The following STAT4 variants were observed in gnomAD, a reference collection of about 807,000 sequenced individuals.
STAT4 encodes signal transducer and activator of transcription 4.
Under a neutral mutation model 110.5 loss-of-function variants are expected in STAT4, and 42 were observed. The ratio of observed to expected loss-of-function variants is 0.38; its 90% CI spans 0.30 to 0.49. The LOEUF is 0.49. STAT4 is among the 20% of genes least tolerant of loss of function. The probability of loss-of-function intolerance (pLI) is 0.95; values close to 1 mark genes in which losing one functional copy is unlikely to be tolerated. For synonymous variants in STAT4, 284 were observed against 302.2 expected, an observed-to-expected ratio of 0.94 and a Z score of 0.63; for missense variants, 632 against 887.9, an observed-to-expected ratio of 0.71 and a Z score of 3.66.
At chr2:191,094,418 G>C (rs1447983101) in intron 3 of STAT4, among the ~76,000 whole-genome samples, 1 of 152,198 alleles carries the variant, frequency 6.6e-6, no homozygotes, top group Non-Finnish European at 1.5e-5. Context: ...AGCCAGAAGA[G>C]AGTGGGGGCC....
At chr2:191,118,074 A>G (rs1698618632) in intron 3 of STAT4, among the ~76,000 whole-genome samples, 1 of 152,210 alleles carries the variant, frequency 6.6e-6, no homozygotes, top group Admixed American at 6.5e-5. Flanking sequence ...AACACTTTAT[A>G]CCACTCAGGT....
At position 191,144,340 on chromosome 2, in the gene STAT4, A is replaced by G. The variant is rs1432578362; in HGVS notation, c.273+2273T>C. ...GCACTGGAACCTACATAGATTCTTT[A>G]GGGATGGATGGGAACTAGACTGGTG... On this transcript the variant is annotated intron_variant, in intron 3 of 23. Transcript: ENST00000392320. This position sits in a 1 kb window ranked among gnomAD's most constrained non-coding sequence, Gnocchi z 4.7. Among the ~76,000 whole-genome samples, 1 of 152,152 alleles carries G rather than the reference A, an allele frequency of 6.6e-6. No homozygotes were observed. Among genetic ancestry groups the G allele is most frequent in the African/African-American group, 2.4e-5 (1 of 41,450 alleles).
chr2:191,119,631 C>T (rs1401237670), intron 3 of STAT4, among the ~76,000 whole-genome samples: 11 of 152,154 alleles, frequency 7.2e-5, no homozygotes, highest in Non-Finnish European at 5.9e-5. Flanking sequence ...AGTGTAATCC[C>T]AATGAAAATC....
rs1354744443 is a variant in STAT4 at position 191,059,194 on chromosome 2, T to C, written c.1035-425A>G. ...AGCTTTAATGATAAGTGTTTTATGGTGAACATACTAAGACAGAACTGTAGT... is the reference window on the plus strand; with the variant it reads ...AGCTTTAATGATAAGTGTTTTATGGCGAACATACTAAGACAGAACTGTAGT... On this transcript the variant is annotated intron_variant, in intron 10 of 23. Coordinates refer to ENST00000392320, the MANE Select transcript of STAT4 (RefSeq NM_003151.4). The surrounding 1 kb of genome is among the most constrained non-coding windows in gnomAD (Gnocchi z 4.7). Among the ~76,000 whole-genome samples the C allele has an allele frequency of 6.6e-6, 1 of 152,202 alleles. No homozygotes were observed.
intron 3 of STAT4, among the ~76,000 whole-genome samples, chr2:191,141,470 T>C (rs953416596): frequency 1.4e-5 from 2 of 138,202 alleles, no homozygotes; most frequent in African/African-American, 2.7e-5. Flanking sequence ...CATATGTATA[T>C]CACATACATA....
At position 191,042,645 on chromosome 2, in the gene STAT4, T is replaced by C. The variant is rs1460104841; in HGVS notation, c.1252-1497A>G. Among the ~76,000 whole-genome samples the C allele has an allele frequency of 6.6e-6, 1 of 152,224 alleles. No homozygotes were observed. The highest frequency in any genetic ancestry group is 1.5e-5 in the Non-Finnish European group (1 of 68,034). On this transcript the variant is annotated intron_variant, in intron 14 of 23. Coordinates refer to ENST00000392320, the MANE Select transcript of STAT4 (RefSeq NM_003151.4). The surrounding 1 kb of genome is among the most constrained non-coding windows in gnomAD (Gnocchi z 4.2). Reference sequence around the variant, plus strand: ...GATACCTGCTGAAGTATCTATATTATACTGTACTATCTAGAATTTGAGAAC... The same window carrying C: ...GATACCTGCTGAAGTATCTATATTACACTGTACTATCTAGAATTTGAGAAC...
rs1008443114 is a variant in STAT4, at chr2:191,147,021, G to A, written c.129-264C>T. Among the ~76,000 whole-genome samples, 3 of 152,150 alleles carry A rather than the reference G, an allele frequency of 2.0e-5. No individual in the cohort carries two copies. Among genetic ancestry groups the A allele is most frequent in the African/African-American group, 7.2e-5 (3 of 41,434 alleles). On this transcript the variant is annotated intron_variant, in intron 2 of 23. Coordinates refer to ENST00000392320, the MANE Select transcript of STAT4 (RefSeq NM_003151.4). The surrounding 1 kb of genome is among the most constrained non-coding windows in gnomAD (Gnocchi z 4.1). ...AAGAAAAAACAGAAAATGAGTGTTG[G>A]TGAGGATACAGAGAAATTGTGCAAT...
chr2:191,067,486 T>G (rs1192972369), intron 6 of STAT4, among the ~76,000 whole-genome samples: 1 of 152,154 alleles, frequency 6.6e-6, no homozygotes, highest in African/African-American at 2.4e-5. Context: ...GAGCCCAAAC[T>G]TCGTCCCAAA....
At chr2:191,094,914 A>G (rs1471525120) in intron 3 of STAT4, among the ~76,000 whole-genome samples, 7 of 122,452 alleles carry the variant, frequency 5.7e-5, no homozygotes, top group African/African-American at 1.9e-4. Flanking sequence ...AGCAAATGGA[A>G]AGCAAAAAAA....
At chr2:191,075,553 T>C (rs1370844597) in intron 4 of STAT4, among the ~76,000 whole-genome samples, 1 of 152,172 alleles carries the variant, frequency 6.6e-6, no homozygotes, top group Non-Finnish European at 1.5e-5. Flanking sequence ...AGAGTGGGAA[T>C]GACAGAAATT....
At chr2:191,072,989 A>G in intron 5 of STAT4, 109 bp downstream of exon 5, 1 of 737,530 alleles carries the variant, frequency 1.4e-6, no homozygotes, top group Non-Finnish European at 2.2e-6. Flanking sequence ...TTATTAACAA[A>G]TTGCCCTATG....
chr2:191,141,458 T>C (rs1559085678), intron 3 of STAT4, among the ~76,000 whole-genome samples: 1 of 39,818 alleles, frequency 2.5e-5, no homozygotes, highest in African/African-American at 8.4e-5. Context: ...ATCACATATA[T>C]ACATATGTAT....
At chr2:191,034,520 TA>T in intron 18 of STAT4, 27 bp downstream of exon 18, 1 of 1,583,212 alleles carries the variant, frequency 6.3e-7, no homozygotes, top group Non-Finnish European at 8.7e-7. Context: ...AAAATGTATC[TA>T]AATGATGTTT....
At chr2:191,094,917 C>CAAAAAAAAAAAA (rs1165913847) in intron 3 of STAT4, among the ~76,000 whole-genome samples, 4 of 77,914 alleles carry the variant, frequency 5.1e-5, no homozygotes, top group Admixed American at 1.5e-4. Context: ...AAATGGAAAG[C>CAAAAAAAAAAAA]AAAAAAAAAA....
intron 3 of STAT4, among the ~76,000 whole-genome samples, chr2:191,109,770 TC>T (rs1045039757): frequency 1.3e-5 from 2 of 152,202 alleles, no homozygotes; most frequent in African/African-American, 4.8e-5. Flanking sequence ...TCAAAATGAA[TC>T]CCACTGTTGG....
Position 191,127,538 on chromosome 2 carries a change from A to G in STAT4, c.273+19075T>C, listed in dbSNP as rs556458219. ...ACTTTGTCTCCATTCTAGGTAGCAA[A>G]CTCTTTCAACATAAGAATTTTATCT... is the stretch of plus-strand genomic sequence containing the variant. On this transcript the variant is annotated intron_variant, in intron 3 of 23. Transcript: ENST00000392320. Among the ~76,000 whole-genome samples, 5 of 152,000 alleles carry G rather than the reference A, an allele frequency of 3.3e-5. No homozygotes were observed. The South Asian group carries it at 8.3e-4, about 25-fold the overall frequency.
Position 191,062,949 on chromosome 2 carries a change from T to C in STAT4, c.783-29A>G, listed in dbSNP as rs763616047. On this transcript the variant is annotated intron_variant, in intron 8 of 23. Transcript: ENST00000392320. The surrounding 1 kb of genome is among the most constrained non-coding windows in gnomAD (Gnocchi z 4.9). ...TTGAACAGAAAATGAAAATCAAAGA[T>C]AGTTTTTCCACTTAATAATAAAAAA... The C allele has an allele frequency of 3.8e-6, 6 of 1,594,540 alleles. No homozygotes were observed. Among genetic ancestry groups the C allele is most frequent in the South Asian group, 1.1e-5 (1 of 88,112 alleles).
In STAT4 at chr2:191,146,618, G is replaced by C; in HGVS notation, c.268C>G (p.Leu90Val). 5 of 1,529,218 alleles carry C rather than the reference G, an allele frequency of 3.3e-6. No individual in the cohort carries two copies. Among genetic ancestry groups the C allele is most frequent in the Non-Finnish European group, 4.4e-6 (5 of 1,140,516 alleles). The allele number at this position is 1,529,218 out of a possible 1,614,324, so 94.7% of individuals were successfully genotyped here. Reference sequence around the variant, plus strand: ...AAAGTAGAATGCATTCTTACCTGAAGGACCTTCCTAATTCTTTTTAGATTG... The same window carrying C: ...AAAGTAGAATGCATTCTTACCTGAACGACCTTCCTAATTCTTTTTAGATTG... ...IHNLKRIRKVLQGKFHGNPMH... is the reference protein window; with the variant it reads ...IHNLKRIRKVVQGKFHGNPMH... Residue 90 changes from leucine (L) to valine (V), a missense_variant, in exon 3 of 24, where the codon CTT becomes GTT. Physicochemically the swap from Leu to Val is conservative, Grantham distance 32. Around this residue, in one of 4 missense-constraint regions of STAT4, gnomAD observed 488 missense variants for 632.8 expected, o/e 0.77. Coordinates refer to ENST00000392320, the MANE Select transcript of STAT4 (RefSeq NM_003151.4). The surrounding 1 kb of genome is among the most constrained non-coding windows in gnomAD (Gnocchi z 4.5).
chr2:191,147,312 T>G lies in STAT4; in HGVS notation c.129-555A>C, dbSNP rs545003938. Among the ~76,000 whole-genome samples the G allele has an allele frequency of 6.6e-6, 1 of 152,308 alleles. No homozygotes were observed. The highest frequency in any genetic ancestry group is 1.9e-4 in the East Asian group (1 of 5,194). On this transcript the variant is annotated intron_variant, in intron 2 of 23. Transcript: ENST00000392320. This position sits in a 1 kb window ranked among gnomAD's most constrained non-coding sequence, Gnocchi z 4.1. ...TGTGATATATACAAACAATGGAATA[T>G]TATTGAGCTTCAAAAAGGAAGAAAA... is the stretch of plus-strand genomic sequence containing the variant.
Sources: allele counts gnomAD v4.1 joint callset (sites outside exome capture counted in the v4.1 genomes callset), GRCh38; gene constraint gnomAD v4.1.1; regional missense constraint gnomAD v4.1.1; non-coding constraint Gnocchi (gnomAD v3.1); transcripts MANE v1.5; gene names NCBI Gene and HGNC (gene_info 2026-07-23, HGNC 2026-07-21).